The following DPP6 variants were observed in gnomAD, a reference collection of about 807,000 sequenced individuals.
DPP6 encodes the protein dipeptidyl peptidase like 6.
Under a neutral mutation model 122.6 loss-of-function variants are expected in DPP6, and 69 were observed. That is an observed-to-expected ratio of 0.56 (90% CI 0.46 to 0.69). The LOEUF (loss-of-function observed/expected upper bound fraction) is 0.69, where lower values mean the gene tolerates loss of function less well. DPP6 is among the 30% of genes least tolerant of loss of function. DPP6 has a pLI of 0.00. For missense variants in DPP6, 928 were observed against 1,116.9 expected, an observed-to-expected ratio of 0.83 and a Z score of 2.41; for synonymous variants, 418 against 433.1, an observed-to-expected ratio of 0.97 and a Z score of 0.43.
At chr7:154,459,857 T>G (rs1228403184) in intron 2 of DPP6, among the ~76,000 whole-genome samples, 1 of 148,618 alleles carries the variant, frequency 6.7e-6, no homozygotes, top group Non-Finnish European at 1.5e-5. Flanking sequence ...AAATATTAAA[T>G]GAACAATAAT....
At chr7:153,943,367 A>C (rs547728464) in intron 1 of DPP6, among the ~76,000 whole-genome samples, 1 of 152,302 alleles carries the variant, frequency 6.6e-6, no homozygotes, top group Admixed American at 6.5e-5. Context: ...TTGTCTTGGA[A>C]ATTTCAGACA....
the DPP6 span, among the ~76,000 whole-genome samples, chr7:153,781,598 T>C: frequency 4.8e-4 from 73 of 151,350 alleles, no homozygotes; most frequent in African/African-American, 1.7e-3. Context: ...TCTGCTCATC[T>C]TAGGAGAGAG....
At chr7:153,885,083 T>G (rs1389614123), upstream of DPP6, among the ~76,000 whole-genome samples, 1 of 127,876 alleles carries the variant, frequency 7.8e-6, no homozygotes. Flanking sequence ...AAAGGCAGGT[T>G]GTGGGGAGCA....
At chr7:153,984,841 C>T (rs113008059) in intron 1 of DPP6, among the ~76,000 whole-genome samples, 156 of 152,356 alleles carry the variant, frequency 1.0e-3, no homozygotes, top group African/African-American at 3.6e-3. Context: ...AAGCTGTGAT[C>T]TGTGGCGAGG....
the DPP6 span, among the ~76,000 whole-genome samples, chr7:153,818,343 G>T: frequency 3.3e-5 from 5 of 152,084 alleles, no homozygotes; most frequent in African/African-American, 1.2e-4. Flanking sequence ...AGGGGGCAAT[G>T]CCAGCACTAG....
upstream of DPP6, among the ~76,000 whole-genome samples, chr7:153,884,967 AGACTCC>A (rs1189946794): frequency 2.8e-5 from 4 of 143,478 alleles, no homozygotes; most frequent in Non-Finnish European, 6.0e-5. Context: ...TGACAAAGCA[AGACTCC>A]GTCTCAAAAC....
intron 1 of DPP6, among the ~76,000 whole-genome samples, chr7:154,337,992 G>A (rs937085190): frequency 1.3e-5 from 2 of 152,170 alleles, no homozygotes; most frequent in Non-Finnish European, 2.9e-5. Flanking sequence ...CCCCTCCTCC[G>A]TTGACTGCAT....
chr7:154,647,772 T>A (rs1055542111), intron 6 of DPP6, among the ~76,000 whole-genome samples: 5 of 152,244 alleles, frequency 3.3e-5, no homozygotes, highest in African/African-American at 9.6e-5. Context: ...GATCACTTTC[T>A]TGTGCTGGTG....
intron 1 of DPP6, among the ~76,000 whole-genome samples, chr7:154,363,529 C>T (rs1351748432): frequency 6.6e-6 from 1 of 152,166 alleles, no homozygotes; most frequent in Non-Finnish European, 1.5e-5. Context: ...AAACAGAAGG[C>T]TTGCAAGTTC....
chr7:154,164,425 G>T (rs1458337899), intron 1 of DPP6, among the ~76,000 whole-genome samples: 1 of 151,984 alleles, frequency 6.6e-6, no homozygotes, highest in Non-Finnish European at 1.5e-5. Context: ...ACTTGATGTG[G>T]TCCTTCATCT....
At chr7:153,854,928 G>A in the DPP6 span, among the ~76,000 whole-genome samples, 2 of 145,132 alleles carry the variant, frequency 1.4e-5, no homozygotes, top group East Asian at 4.1e-4. Context: ...ATGAGTTCAT[G>A]TCCTTTGTAG....
chr7:154,880,924 C>G lies in DPP6; in HGVS notation c.2115C>G (p.Arg705=). ...AGGAGCAGTACATTGACAGGACGCG[C>G]GTGGCCGTGTTTGGGAAGGTGAGTC... ...MLKEQYIDRT[R]VAVFGKDYGG... is the part of the protein sequence containing the mutation. The change falls in exon 21 of 26, where the codon CGC becomes CGG. Residue 705 remains arginine, a synonymous_variant. Coordinates refer to ENST00000377770, the MANE Select transcript of DPP6 (RefSeq NM_130797.4). 1 of 1,613,970 alleles carries G rather than the reference C, an allele frequency of 6.2e-7. No homozygotes were observed. The highest frequency in any genetic ancestry group is 8.5e-7 in the Non-Finnish European group (1 of 1,179,894).
At chr7:154,670,399 C>G (rs1432955550) in intron 7 of DPP6, among the ~76,000 whole-genome samples, 2 of 152,250 alleles carry the variant, frequency 1.3e-5, no homozygotes, top group East Asian at 3.8e-4. Flanking sequence ...TTCTCACTGC[C>G]GAGCTGGCCT....
chr7:154,143,611 A>G (rs1456945752), intron 1 of DPP6, among the ~76,000 whole-genome samples: 2 of 152,238 alleles, frequency 1.3e-5, no homozygotes, highest in South Asian at 2.1e-4. Context: ...CTAGGCATCT[A>G]TAGTCCAACT....
intron 1 of DPP6, among the ~76,000 whole-genome samples, chr7:154,060,056 C>G (rs1801464840): frequency 6.7e-6 from 1 of 150,334 alleles, no homozygotes; most frequent in African/African-American, 2.4e-5. Flanking sequence ...GAGCCAACCC[C>G]TCTTCCCCCC....
At chr7:153,949,598 A>C (rs891411962) in intron 1 of DPP6, among the ~76,000 whole-genome samples, 3 of 152,208 alleles carry the variant, frequency 2.0e-5, no homozygotes, top group African/African-American at 4.8e-5. Context: ...TCTTCAAAAA[A>C]ACTGAGCAAG....
intron 16 of DPP6, among the ~76,000 whole-genome samples, chr7:154,808,294 GA>G (rs1283916257): frequency 6.6e-6 from 1 of 152,146 alleles, no homozygotes; most frequent in East Asian, 1.9e-4. Context: ...CTAAAATCTT[GA>G]AAATCCGCAG....
intron 1 of DPP6, among the ~76,000 whole-genome samples, chr7:153,966,856 C>T (rs932855565): frequency 6.6e-6 from 1 of 151,098 alleles, no homozygotes; most frequent in Admixed American, 6.6e-5. Context: ...CACTTGAGCT[C>T]GCAAATTCAA....
chr7:154,230,598 A>G (rs1336575748), intron 1 of DPP6, among the ~76,000 whole-genome samples: 1 of 152,138 alleles, frequency 6.6e-6, no homozygotes, highest in Non-Finnish European at 1.5e-5. Context: ...TGGTGAAGGG[A>G]CTTTCCCAGT....
Sources: allele counts gnomAD v4.1 joint callset (sites outside exome capture counted in the v4.1 genomes callset), GRCh38; gene constraint gnomAD v4.1.1; transcripts MANE v1.5; gene names NCBI Gene and HGNC (gene_info 2026-07-23, HGNC 2026-07-21).